PRTG: variants seen among roughly 807,000 people sequenced by gnomAD.
PRTG encodes immunoglobulin superfamily, DCC subclass, member 5.
Under a neutral mutation model 122.5 loss-of-function variants are expected in PRTG, and 67 were observed. That is an observed-to-expected ratio of 0.55 (90% CI 0.45 to 0.67). The LOEUF is 0.67. Among genes scored for constraint, PRTG ranks in the 30% least tolerant of loss-of-function variants. PRTG has a pLI of 0.00. For missense variants in PRTG, 1,435 were observed against 1,415.4 expected (o/e 1.01, Z -0.22); for synonymous variants, 554 against 501.1 (o/e 1.11, Z -1.41).
At chr15:55,702,209 T>C (rs1158911098) in intron 2 of PRTG, among the ~76,000 whole-genome samples, 2 of 152,174 alleles carry the variant, frequency 1.3e-5, no homozygotes, top group East Asian at 3.8e-4. Context: ...CACACAGAGA[T>C]TTAAAAAGCT....
At chr15:55,716,173 C>T (rs2030591875) in intron 2 of PRTG, among the ~76,000 whole-genome samples, 1 of 152,188 alleles carries the variant, frequency 6.6e-6, no homozygotes, top group African/African-American at 2.4e-5. Context: ...GCGGAAGTTG[C>T]AGTGAGCCAA....
At chr15:55,621,224 C>T (rs1490369989) in intron 18 of PRTG, among the ~76,000 whole-genome samples, 1 of 151,910 alleles carries the variant, frequency 6.6e-6, no homozygotes, top group East Asian at 1.9e-4. Flanking sequence ...TGGTGGCAGG[C>T]GCCTGTAATC....
At chr15:55,711,675 C>A (rs1303753967) in intron 2 of PRTG, among the ~76,000 whole-genome samples, 3 of 152,162 alleles carry the variant, frequency 2.0e-5, no homozygotes, top group Non-Finnish European at 4.4e-5. Context: ...AGCCAACATT[C>A]TCCTTCACCA....
intron 15 of PRTG, among the ~76,000 whole-genome samples, chr15:55,633,738 T>C (rs1344219781): frequency 1.3e-5 from 2 of 152,230 alleles, no homozygotes; most frequent in Non-Finnish European, 2.9e-5. Context: ...TCAAACTGTT[T>C]TTCTCTCTCA....
At chr15:55,638,698 T>C (rs1455512444) in intron 13 of PRTG, 22 bp from the exon 14 acceptor site, 1 of 1,604,936 alleles carries the variant, frequency 6.2e-7, no homozygotes. Flanking sequence ...AGTGATGAAG[T>C]TGTTAATGCT....
intron 11 of PRTG, among the ~76,000 whole-genome samples, chr15:55,642,127 T>C (rs1031224526): frequency 2.5e-4 from 34 of 138,446 alleles, no homozygotes; most frequent in South Asian, 1.5e-3. Flanking sequence ...TGAGCCGAGA[T>C]TGCGCCACTG....
chr15:55,723,789 TG>T (rs2030923622), intron 2 of PRTG, among the ~76,000 whole-genome samples: 1 of 148,850 alleles, frequency 6.7e-6, no homozygotes, highest in Non-Finnish European at 1.5e-5. Context: ...TCTCGCTCTG[TG>T]GCCCAGGCTG....
intron 15 of PRTG, among the ~76,000 whole-genome samples, chr15:55,631,216 T>C (rs1396856755): frequency 1.3e-5 from 2 of 152,196 alleles, no homozygotes; most frequent in Admixed American, 1.3e-4. Context: ...ACTGTTGCTA[T>C]GTTTTTAGGC....
At chr15:55,728,870 C>T (rs2031132948) in intron 2 of PRTG, among the ~76,000 whole-genome samples, 1 of 152,126 alleles carries the variant, frequency 6.6e-6, no homozygotes, top group Non-Finnish European at 1.5e-5. Context: ...ATGAAAGCTA[C>T]TAGAGCTAAT....
intron 11 of PRTG, among the ~76,000 whole-genome samples, chr15:55,667,209 A>C (rs1418557928): frequency 1.8e-5 from 1 of 54,120 alleles, no homozygotes; most frequent in African/African-American, 6.9e-5. Context: ...TAATTTAAGA[A>C]AAAAAAAAAA....
chr15:55,651,344 A>G (rs492363), intron 11 of PRTG, among the ~76,000 whole-genome samples: 108,997 of 151,988 alleles, frequency 0.72, 39,764 homozygotes, highest in Middle Eastern at 0.86. Flanking sequence ...ATATATAAAC[A>G]TTAGGTAGTA....
chr15:55,665,219 C>A (rs947501475), intron 11 of PRTG, among the ~76,000 whole-genome samples: 6 of 151,926 alleles, frequency 3.9e-5, no homozygotes, highest in Non-Finnish European at 8.8e-5. Flanking sequence ...GAGATCGCGC[C>A]CCTGCACTCC....
intron 2 of PRTG, among the ~76,000 whole-genome samples, chr15:55,724,692 A>T (rs1028930528): frequency 1.6e-4 from 24 of 152,332 alleles, no homozygotes; most frequent in Non-Finnish European, 2.5e-4. Flanking sequence ...CAGAAGGCAG[A>T]GGTTGCGGTG....
intron 18 of PRTG, among the ~76,000 whole-genome samples, chr15:55,623,459 C>T (rs548610034): frequency 2.0e-5 from 3 of 152,158 alleles, no homozygotes; most frequent in East Asian, 1.9e-4. Context: ...CCCGGCTACT[C>T]GGGAGGCTGA....
chr15:55,733,514 C>CAAAAAA (rs1171561645), intron 2 of PRTG, among the ~76,000 whole-genome samples: 34 of 76,192 alleles, frequency 4.5e-4, no homozygotes, highest in East Asian at 1.1e-3. Flanking sequence ...CTGTCTCAAA[C>CAAAAAA]AAAAAAAAAA....
intron 2 of PRTG, among the ~76,000 whole-genome samples, chr15:55,733,124 G>C (rs182692577): frequency 1.3e-5 from 2 of 152,058 alleles, no homozygotes; most frequent in Admixed American, 6.6e-5. Flanking sequence ...CAGGAGAATC[G>C]CTTGAACCCG....
At chr15:55,728,594 A>T (rs541828541) in intron 2 of PRTG, among the ~76,000 whole-genome samples, 1 of 152,340 alleles carries the variant, frequency 6.6e-6, no homozygotes, top group Non-Finnish European at 1.5e-5. Flanking sequence ...AAGAGAAGGA[A>T]AATTTCTCAA....
chr15:55,743,041 C>G lies in PRTG; in HGVS notation c.-110G>C, dbSNP rs116832744. 10,273 of 1,312,088 alleles carry G rather than the reference C, an allele frequency of 7.8e-3. 627 individuals carry two copies. The African/African-American group carries it at 0.14, about 18-fold the overall frequency. 81.3% of individuals were successfully genotyped at this position (1,312,088 alleles called of 1,614,324 possible). A position where few individuals can be genotyped will look rare whatever the true frequency, so the allele number is the denominator to read the frequency against. On this transcript the variant is annotated 5_prime_UTR_variant, in exon 1 of 20. Transcript: ENST00000389286. ...CGGCTGGTCGCACGCAGCCTGGCTC[C>G]CCGCTCCGGCTCCGGCACCGGCGTG...
At chr15:55,715,688 A>T (rs550665569) in intron 2 of PRTG, among the ~76,000 whole-genome samples, 123 of 152,362 alleles carry the variant, frequency 8.1e-4, no homozygotes, top group African/African-American at 2.7e-3. Flanking sequence ...CTGGAAGTCC[A>T]AACTAGAGTT....
Sources: allele counts gnomAD v4.1 joint callset (sites outside exome capture counted in the v4.1 genomes callset), GRCh38; gene constraint gnomAD v4.1.1; transcripts MANE v1.5; gene names NCBI Gene and HGNC (gene_info 2026-07-23, HGNC 2026-07-21).